The following MAPK14 variants were observed in gnomAD, a reference collection of about 807,000 sequenced individuals.
The protein encoded by MAPK14 is mitogen-activated protein kinase 14, also known as CSAID-binding protein.
MAPK14 carries 16 observed loss-of-function variants against 49.6 expected under a neutral mutation model. That is an observed-to-expected ratio of 0.32 (90% CI 0.22 to 0.49). The LOEUF (loss-of-function observed/expected upper bound fraction) is 0.49. MAPK14 is among the 20% of genes least tolerant of loss of function. MAPK14 has a pLI of 0.99. For missense variants in MAPK14, 200 were observed against 441.2 expected, an observed-to-expected ratio of 0.45 and a Z score of 4.90; for synonymous variants, 142 against 158.0, an observed-to-expected ratio of 0.90 and a Z score of 0.76.
intron 1 of MAPK14, among the ~76,000 whole-genome samples, chr6:36,031,240 C>T (rs1255269559): frequency 1.3e-5 from 2 of 152,172 alleles, no homozygotes; most frequent in African/African-American, 4.8e-5. Context: ...TCTCAGACTC[C>T]TGACCTCAAG....
chr6:36,040,754 T>A (rs1303242157), intron 1 of MAPK14, among the ~76,000 whole-genome samples: 2 of 152,160 alleles, frequency 1.3e-5, no homozygotes, highest in Non-Finnish European at 2.9e-5. Context: ...TCCAAGTTGG[T>A]AGGTAGGTAG....
chr6:36,045,881 T>C (rs1330502372), intron 1 of MAPK14, among the ~76,000 whole-genome samples: 1 of 151,948 alleles, frequency 6.6e-6, no homozygotes. Context: ...GTACAGACTT[T>C]CTTATTTTCC....
At chr6:36,082,782 C>T (rs891415552) in intron 8 of MAPK14, among the ~76,000 whole-genome samples, 15 of 152,174 alleles carry the variant, frequency 9.9e-5, no homozygotes, top group African/African-American at 3.6e-4. Flanking sequence ...GGGGACAAAA[C>T]ATCCAAACCC....
At chr6:36,036,078 GT>G (rs1762736188) in intron 1 of MAPK14, among the ~76,000 whole-genome samples, 1 of 151,920 alleles carries the variant, frequency 6.6e-6, no homozygotes, top group Admixed American at 6.6e-5. Flanking sequence ...ACAAAAATTT[GT>G]TTTTTATATT....
Position 36,106,374 on chromosome 6 carries a change from GTAAGAAGATTATTCTAGA to G in MAPK14, c.842-1080_842-1063del, listed in dbSNP as rs1369180658. On this transcript the variant is annotated intron_variant, in intron 10 of 11. Coordinates refer to ENST00000229794, the MANE Select transcript of MAPK14 (RefSeq NM_139012.3). ...AATCAGGAAAGAACAGGGCTTAGAA[GTAAGAAGATTATTCTAGA>G]CTAAGAGAGACTAAAGAAAACCAGT... Among the ~76,000 whole-genome samples the G allele has an allele frequency of 4.3e-4, 6 of 13,822 alleles. No homozygotes were observed. In the South Asian group the frequency reaches 0.06, roughly 137 times the overall value. 9.1% of individuals were successfully genotyped at this position (13,822 alleles called of 152,430 possible). A position where few individuals can be genotyped will look rare whatever the true frequency, so the allele number is the denominator to read the frequency against.
At chr6:36,070,320 T>C (rs1382998787) in intron 3 of MAPK14, among the ~76,000 whole-genome samples, 1 of 152,208 alleles carries the variant, frequency 6.6e-6, no homozygotes, top group Non-Finnish European at 1.5e-5. Context: ...TCAGTTAGTT[T>C]TAGATCCAAC....
rs200143745 is a variant in MAPK14 at position 36,110,585 on chromosome 6, C to T, written c.*2138C>T. 2 of 152,656 alleles carry T rather than the reference C, an allele frequency of 1.3e-5. No homozygotes were observed. Among genetic ancestry groups the T allele is most frequent in the African/African-American group, 2.4e-5 (1 of 41,450 alleles). 9.5% of individuals were successfully genotyped at this position (152,656 alleles called of 1,614,324 possible). On this transcript the variant is annotated 3_prime_UTR_variant, in exon 12 of 12. Transcript: ENST00000229794. ...CTAAGCTGGAGCTCTTGGAAGAGCT[C>T]TTCGGTTTCTGAGCATAATGCTCCC...
chr6:36,044,502 C>T (rs946186489), intron 1 of MAPK14, among the ~76,000 whole-genome samples: 3 of 152,124 alleles, frequency 2.0e-5, no homozygotes, highest in Admixed American at 2.0e-4. Context: ...CTGCCATTAC[C>T]TTATAACAGA....
chr6:36,084,770 G>C (rs1242357379), intron 8 of MAPK14, among the ~76,000 whole-genome samples: 1 of 152,158 alleles, frequency 6.6e-6, no homozygotes, highest in Non-Finnish European at 1.5e-5. Context: ...TCAGCCAGGA[G>C]AACTTCCCCA....
intron 11 of MAPK14, among the ~76,000 whole-genome samples, chr6:36,108,163 G>A (rs1394096622): frequency 2.6e-5 from 4 of 152,178 alleles, no homozygotes; most frequent in Admixed American, 6.5e-5. Flanking sequence ...GGCACTCAGC[G>A]ATGAAAAACA....
intron 8 of MAPK14, among the ~76,000 whole-genome samples, chr6:36,094,208 A>T (rs962410158): frequency 6.6e-6 from 1 of 152,218 alleles, no homozygotes; most frequent in African/African-American, 2.4e-5. Context: ...ATTCCCTGTT[A>T]TTCTTAATTT....
At chr6:36,043,804 C>CTTTTTTTTTTTTTTTTTTTT (rs796534477) in intron 1 of MAPK14, among the ~76,000 whole-genome samples, 4 of 90,396 alleles carry the variant, frequency 4.4e-5, no homozygotes, top group Non-Finnish European at 6.4e-5. Context: ...CTTTTTCTTT[C>CTTTTTTTTTTTTTTTTTTTT]TTTTTTTTTT....
chr6:36,050,467 A>G (rs1176351117), intron 1 of MAPK14, among the ~76,000 whole-genome samples: 1 of 152,232 alleles, frequency 6.6e-6, no homozygotes, highest in Non-Finnish European at 1.5e-5. Flanking sequence ...GAATGTGACC[A>G]TGAAGATGGC....
intron 8 of MAPK14, among the ~76,000 whole-genome samples, chr6:36,079,369 T>A (rs1278238628): frequency 6.6e-6 from 1 of 152,236 alleles, no homozygotes; most frequent in Non-Finnish European, 1.5e-5. Context: ...CACCTGTCAC[T>A]TATTTATGAT....
intron 3 of MAPK14, among the ~76,000 whole-genome samples, chr6:36,067,931 T>C (rs577632050): frequency 6.6e-6 from 1 of 152,224 alleles, no homozygotes; most frequent in South Asian, 2.1e-4. Flanking sequence ...TCCACGAACA[T>C]TGTACAAGCA....
intron 8 of MAPK14, among the ~76,000 whole-genome samples, chr6:36,086,114 CAA>C (rs2127456818): frequency 6.6e-6 from 1 of 152,106 alleles, no homozygotes; most frequent in East Asian, 1.9e-4. Flanking sequence ...CCAATGAGAA[CAA>C]AGAGAACATA....
downstream of MAPK14, among the ~76,000 whole-genome samples, chr6:36,115,927 C>CAAAA (rs60613902): frequency 5.5e-4 from 59 of 106,322 alleles, no homozygotes; most frequent in South Asian, 9.0e-4. Flanking sequence ...GACTCCGTCT[C>CAAAA]AAAAAAAAAA....
In MAPK14 at chr6:36,107,681, GA is replaced by G; in HGVS notation, c.1015+58del. 3 of 1,382,434 alleles carry G rather than the reference GA, an allele frequency of 2.2e-6. No individual in the cohort carries two copies. The highest frequency in any genetic ancestry group is 2.9e-6 in the Non-Finnish European group (3 of 1,035,278). The allele number at this position is 1,382,434 out of a possible 1,614,324, so 85.6% of individuals were successfully genotyped here. A position where few individuals can be genotyped will look rare whatever the true frequency, so the allele number is the denominator to read the frequency against. The stretch of plus-strand genomic sequence containing the variant: ...TTGAACCACTAACCAAAAGCGGTGG[GA>G]AAAATAAAAACTGAATGGTCATAAC... On this transcript the variant is annotated intron_variant, in intron 11 of 11. Transcript: ENST00000229794. This position sits in a 1 kb window ranked among gnomAD's most constrained non-coding sequence, Gnocchi z 4.3.
At chr6:36,120,479 T>G in the MAPK14 span, among the ~76,000 whole-genome samples, 1 of 151,080 alleles carries the variant, frequency 6.6e-6, no homozygotes, top group South Asian at 2.1e-4. Context: ...CTGAGACAAT[T>G]CATCCAAGCA....
Sources: gnomAD v4.1 joint callset for allele counts (sites outside exome capture counted in the v4.1 genomes callset) on GRCh38, gnomAD v4.1.1 for gene constraint, Gnocchi (gnomAD v3.1) non-coding constraint, MANE v1.5 for transcripts, NCBI Gene and HGNC (gene_info 2026-07-23, HGNC 2026-07-21) for gene names.